TRIP12: variants seen among roughly 807,000 people sequenced by gnomAD.
TRIP12 encodes the protein E3 ubiquitin-protein ligase TRIP12.
TRIP12 carries 25 observed loss-of-function variants against 244.2 expected under a neutral mutation model. The ratio of observed to expected loss-of-function variants is 0.10; its 90% confidence interval spans 0.07 to 0.14. The LOEUF (loss-of-function observed/expected upper bound fraction) is 0.14. Among genes scored for constraint, TRIP12 ranks in the 10% least tolerant of loss-of-function variants. TRIP12 has a pLI of 1.00. For missense variants in TRIP12, 1,677 were observed against 2,486.4 expected, an observed-to-expected ratio of 0.67 and a Z score of 6.92; for synonymous variants, 905 against 873.1, an observed-to-expected ratio of 1.04 and a Z score of -0.64.
intron 4 of TRIP12, among the ~76,000 whole-genome samples, chr2:229,857,406 G>A (rs534399032): frequency 6.6e-6 from 1 of 152,230 alleles, no homozygotes; most frequent in African/African-American, 2.4e-5. Flanking sequence ...GCTGGGACAG[G>A]TGGATCACTT....
chr2:229,790,466 G>A (rs2041181846), intron 30 of TRIP12, among the ~76,000 whole-genome samples: 1 of 151,572 alleles, frequency 6.6e-6, no homozygotes, highest in African/African-American at 2.4e-5. Context: ...AAGTGCTACA[G>A]GGCCCTTTTC....
At chr2:229,842,327 A>G (rs1336472775) in intron 4 of TRIP12, among the ~76,000 whole-genome samples, 1 of 152,238 alleles carries the variant, frequency 6.6e-6, no homozygotes, top group Non-Finnish European at 1.5e-5. Context: ...TGTCTTTGTC[A>G]GGGCACACAA....
Position 229,864,039 on chromosome 2 carries a change from AGAGAGAGAGT to A in TRIP12, c.99-3518_99-3509del, listed in dbSNP as rs1426332323. Among the ~76,000 whole-genome samples, 504 of 79,198 alleles carry A rather than the reference AGAGAGAGAGT, an allele frequency of 6.4e-3. 4 individuals carry two copies. Among genetic ancestry groups the A allele is most frequent in the South Asian group, 0.061 (129 of 2,114 alleles). The allele number at this position is 79,198 out of a possible 152,430, so 52.0% of individuals were successfully genotyped here. On this transcript the variant is annotated intron_variant, in intron 2 of 41. Transcript: ENST00000675903. ...GAGAGAGAGAGAGAGAGAGAGAGAG[AGAGAGAGAGT>A]GTGTGTGTGTGTGTGTGTGTGTGTG...
chr2:229,849,392 G>A (rs1481983154), intron 4 of TRIP12, among the ~76,000 whole-genome samples: 3 of 152,238 alleles, frequency 2.0e-5, no homozygotes, highest in South Asian at 2.1e-4. Flanking sequence ...GGTGGGGTAA[G>A]GTTAGAATGC....
At chr2:229,881,343 C>T (rs2064838542) in intron 1 of TRIP12, among the ~76,000 whole-genome samples, 1 of 152,184 alleles carries the variant, frequency 6.6e-6, no homozygotes, top group African/African-American at 2.4e-5. Context: ...AAATCTTGCA[C>T]TATTTTTTGT....
Position 229,840,856 on chromosome 2 carries a change from G to A in TRIP12, c.1099C>T (p.Arg367Cys), listed in dbSNP as rs185702960. The change falls in exon 5 of 42, where the codon CGC becomes TGC. Residue 367 changes from arginine to cysteine, a missense_variant. Coordinates refer to ENST00000675903, the MANE Select transcript of TRIP12 (RefSeq NM_001348323.3). ...AELPSLRRST[R>C]QKTTGSCAST... ...GCACAGGAGCCCGTGGTCTTTTGGC[G>A]TGTGCTCCGCCTCAAACTGGGGAGC... 3.7e-6 allele frequency: 6 copies of A among 1,607,004 alleles called. No individual in the cohort carries two copies. The highest frequency in any genetic ancestry group is 5.1e-6 in the Non-Finnish European group (6 of 1,178,120).
rs2041643697 is a variant in TRIP12 at position 229,791,915 on chromosome 2, T to C, written c.4366A>G (p.Ser1456Gly). 6.2e-7 allele frequency: 1 copy of C among 1,614,136 alleles called. No homozygotes were observed. Among genetic ancestry groups the C allele is most frequent in the Non-Finnish European group, 8.5e-7 (1 of 1,179,990 alleles). ...ATACCAGCTCTGCCTAGAGGATTGCTCTCATCATCTGTGGATTCTCTTTCA... is the reference window on the plus strand; with the variant it reads ...ATACCAGCTCTGCCTAGAGGATTGCCCTCATCATCTGTGGATTCTCTTTCA... The part of the protein sequence containing the change: ...EDERESTDDE[S>G]NPLGRAGIWT... Residue 1456 changes from serine (S) to glycine (G), a missense_variant, in exon 29 of 42, where the codon AGC becomes GGC. Ser to Gly is a moderately conservative substitution (Grantham distance 56). Around this residue, in one of 11 missense-constraint regions of TRIP12, gnomAD observed 265 missense variants for 370.8 expected, o/e 0.71. Coordinates refer to ENST00000675903, the MANE Select transcript of TRIP12 (RefSeq NM_001348323.3).
intron 30 of TRIP12, 88 bp downstream of exon 30, chr2:229,791,036 T>G (rs2041398144): frequency 6.6e-7 from 1 of 1,521,002 alleles, no homozygotes; most frequent in African/African-American, 1.4e-5. Flanking sequence ...AAAATTTTAC[T>G]ACTAAATCCA....
chr2:229,895,876 C>T (rs572882923), intron 1 of TRIP12, among the ~76,000 whole-genome samples: 1 of 152,118 alleles, frequency 6.6e-6, no homozygotes, highest in South Asian at 2.1e-4. Flanking sequence ...ATAAACTAGC[C>T]ACATGTAGAG....
Position 229,780,349 on chromosome 2 carries a change from T to C in TRIP12, c.5095-1359A>G, listed in dbSNP as rs571195850. 1.2e-4 allele frequency among the ~76,000 whole-genome samples: 19 copies of C among 152,314 alleles called. No homozygotes were observed. In the South Asian group the frequency reaches 3.9e-3, roughly 32 times the overall value. On this transcript the variant is annotated intron_variant, in intron 34 of 41. Coordinates refer to ENST00000675903, the MANE Select transcript of TRIP12 (RefSeq NM_001348323.3). ...AATTACCAACTTTACCCAGCTGCCA[T>C]TCTCTGTCATCTGGTCCACTGCTAA... is the stretch of plus-strand genomic sequence containing the variant.
chr2:229,881,206 A>G (rs1230708450), intron 1 of TRIP12, among the ~76,000 whole-genome samples: 5 of 152,242 alleles, frequency 3.3e-5, no homozygotes, highest in African/African-American at 1.2e-4. Context: ...AGCTCAAAAC[A>G]GTTCTTAATC....
intron 7 of TRIP12, 65 bp from the exon 8 acceptor site, chr2:229,829,353 A>G (rs529828292): frequency 7.6e-7 from 1 of 1,316,028 alleles, no homozygotes; most frequent in East Asian, 2.4e-5. Flanking sequence ...GTATCTAAAA[A>G]TTTCAAGTAA....
At chr2:229,858,382 G>C (rs2059968734) in intron 4 of TRIP12, among the ~76,000 whole-genome samples, 2 of 152,124 alleles carry the variant, frequency 1.3e-5, no homozygotes, top group African/African-American at 4.8e-5. Flanking sequence ...ATATATATTT[G>C]ATCTCTGATC....
intron 39 of TRIP12, among the ~76,000 whole-genome samples, chr2:229,770,819 G>A (rs1373705014): frequency 6.6e-6 from 1 of 152,172 alleles, no homozygotes; most frequent in Non-Finnish European, 1.5e-5. Flanking sequence ...GTTTCAAAAA[G>A]GGGAGTTTCC....
intron 8 of TRIP12, among the ~76,000 whole-genome samples, chr2:229,828,323 C>A (rs1032981790): frequency 7.3e-5 from 11 of 150,480 alleles, no homozygotes; most frequent in Admixed American, 6.0e-4. Context: ...CCCTTAGGGA[C>A]CCCCTGCAAC....
intron 1 of TRIP12, chr2:229,900,662 G>GATCACCCAGGCCACC (rs1377308895): frequency 6.6e-6 from 1 of 152,136 alleles, no homozygotes; most frequent in Non-Finnish European, 1.5e-5. Context: ...AGGAGTTGGA[G>GATCACCCAGGCCACC]ATCACCCAGG....
intron 8 of TRIP12, 118 bp from the exon 9 acceptor site, chr2:229,818,630 G>C (rs2049098121): frequency 2.1e-6 from 2 of 931,922 alleles, no homozygotes; most frequent in Admixed American, 5.2e-5. Flanking sequence ...TGAAAGACTA[G>C]GTCTATACCA....
intron 8 of TRIP12, among the ~76,000 whole-genome samples, chr2:229,823,575 T>C (rs531580875): frequency 1.6e-3 from 238 of 149,208 alleles, no homozygotes; most frequent in African/African-American, 5.4e-3. Flanking sequence ...ACTCGGGAGG[T>C]TGACGCAGAA....
chr2:229,834,287 G>A (rs1359272723), intron 6 of TRIP12, among the ~76,000 whole-genome samples: 1 of 152,190 alleles, frequency 6.6e-6, no homozygotes. Flanking sequence ...CTTTCTTTAT[G>A]TGATCTAACC....
Sources: gnomAD v4.1 joint callset for allele counts (sites outside exome capture counted in the v4.1 genomes callset) on GRCh38, gnomAD v4.1.1 for gene constraint, gnomAD v4.1.1 regional missense constraint, MANE v1.5 for transcripts, NCBI Gene and HGNC (gene_info 2026-07-23, HGNC 2026-07-21) for gene names.